PATJ: variants seen among roughly 807,000 people sequenced by gnomAD.
PATJ encodes the protein inaD-like protein.
PATJ carries 190 observed loss-of-function variants against 224.9 expected under a neutral mutation model. The observed-to-expected ratio is 0.84, with a 90% CI of 0.75 to 0.95. PATJ has a LOEUF of 0.95. Ranked by LOEUF, PATJ falls within the 40% of genes least tolerant of loss-of-function variation. The pLI is 0.00. For synonymous variants in PATJ, 769 were observed against 820.3 expected (o/e 0.94, Z 1.07); for missense variants, 2,121 against 2,270.3 (o/e 0.93, Z 1.34).
At chr1:61,799,521 T>G (rs1652033325) in intron 11 of PATJ, among the ~76,000 whole-genome samples, 1 of 152,194 alleles carries the variant, frequency 6.6e-6, no homozygotes, top group Non-Finnish European at 1.5e-5. Flanking sequence ...CTTAAATTGC[T>G]TACATAAATA....
At chr1:62,083,613 T>C (rs1659564902) in intron 32 of PATJ, among the ~76,000 whole-genome samples, 2 of 152,354 alleles carry the variant, frequency 1.3e-5, no homozygotes, top group South Asian at 4.1e-4. Flanking sequence ...CAATAACTTT[T>C]AAATAAACTT....
intron 1 of PATJ, among the ~76,000 whole-genome samples, chr1:61,759,498 C>T (rs759360127): frequency 2.6e-5 from 4 of 151,874 alleles, no homozygotes; most frequent in Non-Finnish European, 5.9e-5. Flanking sequence ...AAACCTCCAC[C>T]TCCTGCGTTC....
intron 22 of PATJ, among the ~76,000 whole-genome samples, chr1:61,895,137 G>T (rs1317096530): frequency 1.3e-5 from 2 of 152,200 alleles, no homozygotes; most frequent in African/African-American, 4.8e-5. Context: ...TGTTCACAAA[G>T]AGATGGTTTG....
intron 27 of PATJ, among the ~76,000 whole-genome samples, chr1:61,929,114 G>A (rs1317973963): frequency 6.6e-6 from 1 of 152,202 alleles, no homozygotes; most frequent in African/African-American, 2.4e-5. Context: ...TACACATGGT[G>A]TAAAAAGTTG....
intron 41 of PATJ, among the ~76,000 whole-genome samples, chr1:62,139,858 C>T (rs1042833209): frequency 3.3e-5 from 5 of 151,580 alleles, no homozygotes; most frequent in South Asian, 4.2e-4. Context: ...CTCCCGGGCT[C>T]GGGTGATCAT....
intron 13 of PATJ, 59 bp downstream of exon 13, chr1:61,805,583 C>T (rs899816027): frequency 2.9e-6 from 3 of 1,026,042 alleles, no homozygotes; most frequent in South Asian, 1.3e-5. Flanking sequence ...AAGTTTCTAA[C>T]AGTACGATCC....
intron 34 of PATJ, among the ~76,000 whole-genome samples, chr1:62,111,010 G>A (rs753544832): frequency 2.6e-5 from 4 of 152,156 alleles, no homozygotes; most frequent in African/African-American, 4.8e-5. Flanking sequence ...GGCACATTTC[G>A]TGGTATCTCC....
intron 17 of PATJ, among the ~76,000 whole-genome samples, chr1:61,835,449 G>T (rs1570788452): frequency 2.0e-5 from 3 of 152,086 alleles, no homozygotes; most frequent in South Asian, 4.1e-4. Context: ...TGTCGCCCAG[G>T]CTGGAGTGCA....
chr1:62,064,144 T>C (rs563800182), intron 31 of PATJ, among the ~76,000 whole-genome samples: 1 of 152,322 alleles, frequency 6.6e-6, no homozygotes, highest in South Asian at 2.1e-4. Context: ...TTGTCAAAGA[T>C]GGCTGTTAGT....
intron 41 of PATJ, among the ~76,000 whole-genome samples, chr1:62,142,523 T>C (rs909390807): frequency 3.9e-5 from 6 of 152,236 alleles, no homozygotes; most frequent in East Asian, 1.9e-4. Flanking sequence ...TCCACAATTA[T>C]TAAGCAATTG....
At chr1:62,004,915 C>T (rs1249117826) in intron 28 of PATJ, among the ~76,000 whole-genome samples, 1 of 152,110 alleles carries the variant, frequency 6.6e-6, no homozygotes, top group Non-Finnish European at 1.5e-5. Context: ...AAATAGGTTG[C>T]ATGAAATTTG....
At chr1:62,032,135 G>A (rs954269950) in intron 29 of PATJ, among the ~76,000 whole-genome samples, 2 of 152,106 alleles carry the variant, frequency 1.3e-5, no homozygotes. Context: ...TCAAGGCGTT[G>A]GTCAGGCTGA....
intron 11 of PATJ, among the ~76,000 whole-genome samples, chr1:61,799,506 T>C (rs1316353809): frequency 6.6e-6 from 1 of 152,214 alleles, no homozygotes; most frequent in African/African-American, 2.4e-5. Context: ...AAATGCCATA[T>C]TGACCTTAAA....
At chr1:62,074,270 A>T (rs966172583) in intron 31 of PATJ, among the ~76,000 whole-genome samples, 2 of 151,838 alleles carry the variant, frequency 1.3e-5, no homozygotes, top group African/African-American at 4.8e-5. Flanking sequence ...TGACAAGTTA[A>T]TGGGTGCAGC....
At chr1:62,002,727 A>G (rs1437974628) in intron 28 of PATJ, among the ~76,000 whole-genome samples, 139 of 125,680 alleles carry the variant, frequency 1.1e-3, no homozygotes, top group African/African-American at 4.3e-3. Context: ...AAAAAAAAAA[A>G]AAAAAAAGAG....
At chr1:61,926,745 T>A (rs560969170) in intron 26 of PATJ, among the ~76,000 whole-genome samples, 2 of 152,358 alleles carry the variant, frequency 1.3e-5, no homozygotes, top group East Asian at 3.8e-4. Context: ...TATGGGTGTG[T>A]GCTTTCCTTT....
chr1:62,106,403 C>T (rs1050482080), intron 33 of PATJ, among the ~76,000 whole-genome samples: 11 of 150,398 alleles, frequency 7.3e-5, no homozygotes, highest in Admixed American at 4.7e-4. Flanking sequence ...CCCGGGAGGT[C>T]GAAGCTGCAG....
At chr1:61,794,259 C>T (rs1650556378) in intron 9 of PATJ, among the ~76,000 whole-genome samples, 1 of 151,770 alleles carries the variant, frequency 6.6e-6, no homozygotes, top group African/African-American at 2.4e-5. Context: ...GATTCTCATG[C>T]CTCAGCCTCC....
intron 30 of PATJ, among the ~76,000 whole-genome samples, chr1:62,049,780 T>C (rs1159040079): frequency 6.6e-6 from 1 of 152,148 alleles, no homozygotes; most frequent in African/African-American, 2.4e-5. Flanking sequence ...AGAAAACAAG[T>C]ACTCAGTGCA....
Sources: allele counts gnomAD v4.1 joint callset (sites outside exome capture counted in the v4.1 genomes callset), GRCh38; gene constraint gnomAD v4.1.1; transcripts MANE v1.5; gene names NCBI Gene and HGNC (gene_info 2026-07-23, HGNC 2026-07-21).